The following PCDH11X variants were observed in gnomAD, a reference collection of about 807,000 sequenced individuals.
PCDH11X encodes the protein protocadherin 11 X-linked, also known as protocadherin-11 X-linked.
PCDH11X carries 18 observed loss-of-function variants against 53.3 expected under a neutral mutation model. The ratio of observed to expected loss-of-function variants is 0.34; its 90% CI spans 0.23 to 0.50. The LOEUF (loss-of-function observed/expected upper bound fraction) is 0.50. Ranked by LOEUF, PCDH11X falls within the 20% of genes least tolerant of loss-of-function variation. The pLI, the probability that PCDH11X is intolerant of heterozygous loss-of-function variation, is 0.98. For synonymous variants in PCDH11X, 279 were observed against 393.3 expected, an observed-to-expected ratio of 0.71 and a Z score of 3.44; for missense variants, 570 against 1,032.4, an observed-to-expected ratio of 0.55 and a Z score of 6.14.
intron 8 of PCDH11X, among the ~76,000 whole-genome samples, chrX:92,351,106 A>G (rs2070035326): frequency 4.5e-5 from 5 of 112,102 alleles, no homozygotes; most frequent in Non-Finnish European, 9.4e-5. Flanking sequence ...CTTTACTGCG[A>G]TCACGGGTCA....
At chrX:92,499,444 G>A (rs1389283775) in intron 10 of PCDH11X, among the ~76,000 whole-genome samples, 2 of 73,336 alleles carry the variant, frequency 2.7e-5, no homozygotes, top group Non-Finnish European at 2.6e-5. Flanking sequence ...TCTGGAGTTT[G>A]AAAAAAAAAA....
chrX:91,874,422 T>C (rs1486464169), intron 5 of PCDH11X, among the ~76,000 whole-genome samples: 1 of 111,530 alleles, frequency 9.0e-6, no homozygotes. Flanking sequence ...AGGTTGATTA[T>C]TGCTCTGAGT....
At chrX:92,502,688 CT>C (rs2073981503) in intron 10 of PCDH11X, among the ~76,000 whole-genome samples, 1 of 110,460 alleles carries the variant, frequency 9.1e-6, no homozygotes, top group Non-Finnish European at 1.9e-5. Flanking sequence ...AACTGGACTC[CT>C]TCCTTACAAC....
intron 8 of PCDH11X, among the ~76,000 whole-genome samples, chrX:92,307,118 G>A (rs1270728371): frequency 3.6e-5 from 4 of 110,830 alleles, no homozygotes; most frequent in African/African-American, 1.3e-4. Context: ...CATTCTGTAA[G>A]GTCAGTGTGA....
chrX:92,610,635 T>C (rs1927271940), intron 10 of PCDH11X, among the ~76,000 whole-genome samples: 1 of 111,400 alleles, frequency 9.0e-6, no homozygotes. Context: ...TTTGTTGCAA[T>C]TGCTTTTAAG....
chrX:92,622,436 T>C lies in PCDH11X; in HGVS notation c.*3496T>C, dbSNP rs1453641485. The C allele has an allele frequency of 3.6e-5, 4 of 111,254 alleles. No individual in the cohort carries two copies. Among genetic ancestry groups the C allele is most frequent in the Non-Finnish European group, 7.6e-5 (4 of 52,924 alleles). 9.2% of individuals were successfully genotyped at this position (111,254 alleles called of 1,213,427 possible). ...TTCTTTTTCATGGTATTACTGAAGG[T>C]GTGTATACTCCCTAATACACATTTA... On this transcript the variant is annotated 3_prime_UTR_variant, in exon 11 of 11. Transcript: ENST00000682573.
At chrX:92,129,556 C>G (rs1473353580) in intron 6 of PCDH11X, among the ~76,000 whole-genome samples, 1 of 111,944 alleles carries the variant, frequency 8.9e-6, no homozygotes, top group East Asian at 2.8e-4. Flanking sequence ...GAAATGAAAT[C>G]CAAAGAAGCG....
intron 6 of PCDH11X, among the ~76,000 whole-genome samples, chrX:92,024,617 C>T (rs2062937956): frequency 9.4e-6 from 1 of 106,033 alleles, no homozygotes; most frequent in Admixed American, 1.0e-4. Context: ...CAATTCTGTT[C>T]CCATTAAACT....
chrX:92,161,616 G>A (rs2065645553), intron 6 of PCDH11X, among the ~76,000 whole-genome samples: 1 of 107,761 alleles, frequency 9.3e-6, no homozygotes, highest in Non-Finnish European at 1.9e-5. Context: ...ATGTTTTCCA[G>A]ACTTTTAGAT....
At chrX:92,227,965 T>C (rs2067000706) in intron 7 of PCDH11X, among the ~76,000 whole-genome samples, 1 of 110,587 alleles carries the variant, frequency 9.0e-6, no homozygotes, top group Non-Finnish European at 1.9e-5. Flanking sequence ...AATTTTAAGA[T>C]TAACAATAAA....
At chrX:91,780,886 C>T (rs1602782670) in intron 1 of PCDH11X, among the ~76,000 whole-genome samples, 2 of 112,536 alleles carry the variant, frequency 1.8e-5, no homozygotes, top group East Asian at 5.7e-4. Flanking sequence ...TAGCCAGAGC[C>T]GCTTCCTTGC....
At chrX:91,968,225 G>A (rs759259498) in intron 6 of PCDH11X, among the ~76,000 whole-genome samples, 1 of 111,374 alleles carries the variant, frequency 9.0e-6, no homozygotes, top group African/African-American at 3.3e-5. Context: ...AGGATGAAAG[G>A]TTAAGTTTTC....
intron 10 of PCDH11X, among the ~76,000 whole-genome samples, chrX:92,551,393 AT>A (rs57107871): frequency 1.4e-4 from 14 of 99,947 alleles, no homozygotes; most frequent in South Asian, 9.2e-4. Flanking sequence ...TCTTTTGCCC[AT>A]TTTTTTTTGC....
At chrX:92,114,193 A>G in intron 6 of PCDH11X, 2 of 1,113,134 alleles carry the variant, frequency 1.8e-6, no homozygotes. Context: ...CTGCTGCAGA[A>G]TCGATATGGC....
intron 10 of PCDH11X, among the ~76,000 whole-genome samples, chrX:92,610,237 C>T (rs1166160790): frequency 8.9e-6 from 1 of 112,139 alleles, no homozygotes; most frequent in Non-Finnish European, 1.9e-5. Flanking sequence ...ATTCTCTTTT[C>T]TCCCCAACTT....
At chrX:91,950,307 C>A (rs1386405505) in intron 6 of PCDH11X, among the ~76,000 whole-genome samples, 1 of 105,856 alleles carries the variant, frequency 9.4e-6, no homozygotes, top group Non-Finnish European at 1.9e-5. Context: ...CCCTCTCACC[C>A]TCTCTTCTTC....
intron 7 of PCDH11X, among the ~76,000 whole-genome samples, chrX:92,229,533 T>C (rs1488911885): frequency 1.8e-5 from 2 of 111,289 alleles, no homozygotes; most frequent in Non-Finnish European, 3.8e-5. Flanking sequence ...GAACCATTAA[T>C]AATGCCAGAA....
intron 10 of PCDH11X, among the ~76,000 whole-genome samples, chrX:92,513,615 A>C (rs1328390339): frequency 9.2e-6 from 1 of 108,500 alleles, no homozygotes; most frequent in Non-Finnish European, 1.9e-5. Flanking sequence ...TAAGCTTCTG[A>C]AGATTCACTT....
chrX:92,135,174 T>G (rs944639207), intron 6 of PCDH11X, among the ~76,000 whole-genome samples: 6 of 111,596 alleles, frequency 5.4e-5, no homozygotes, highest in Non-Finnish European at 3.8e-5. Flanking sequence ...CATTTTACTA[T>G]GAACTAATGA....
Sources: gnomAD v4.1 joint callset for allele counts (sites outside exome capture counted in the v4.1 genomes callset) on GRCh38, gnomAD v4.1.1 for gene constraint, MANE v1.5 for transcripts, NCBI Gene and HGNC (gene_info 2026-07-23, HGNC 2026-07-21) for gene names.